Variants in DLC1 observed in about 807,000 individuals in gnomAD.
DLC1 encodes the protein DLC1 Rho GTPase activating protein, also known as rho GTPase-activating protein 7.
A neutral mutation model predicts 140.3 loss-of-function variants in DLC1; 54 were observed. The ratio of observed to expected loss-of-function variants is 0.38; its 90% CI spans 0.31 to 0.48. The LOEUF is 0.48. DLC1 is among the 20% of genes least tolerant of loss of function. DLC1 has a pLI of 0.96. For missense variants in DLC1, 2,536 were observed against 1,907.0 expected (o/e 1.33, Z -6.14); for synonymous variants, 986 against 728.1 (o/e 1.35, Z -5.70).
At chr8:13,589,156 C>T (rs1179385538) in intron 1 of DLC1, among the ~76,000 whole-genome samples, 3 of 152,102 alleles carry the variant, frequency 2.0e-5, no homozygotes, top group African/African-American at 4.8e-5. Context: ...GGCTATCCTT[C>T]ATCTGTCCAA....
At chr8:13,287,157 ACT>A (rs1831561050) in intron 5 of DLC1, among the ~76,000 whole-genome samples, 1 of 151,860 alleles carries the variant, frequency 6.6e-6, no homozygotes, top group Non-Finnish European at 1.5e-5. Context: ...CAGCTGGGAA[ACT>A]CTGACTCTAA....
chr8:13,298,368 G>C lies in DLC1; in HGVS notation c.1348+6901C>G, dbSNP rs148662127. Among the ~76,000 whole-genome samples, 454 of 152,216 alleles carry C rather than the reference G, an allele frequency of 3.0e-3. 2 individuals are homozygous for C. The highest frequency in any genetic ancestry group is 0.011 in the African/African-American group (438 of 41,526). ...ACCTGGCTGACATATTTGGCCGTTG[G>C]GTTGAGTAGTAGGAGTAATGGAGAA... On this transcript the variant is annotated intron_variant, in intron 5 of 17. Coordinates refer to ENST00000276297, the MANE Select transcript of DLC1 (RefSeq NM_182643.3).
At chr8:13,154,479 C>T (rs1824097124) in intron 5 of DLC1, among the ~76,000 whole-genome samples, 1 of 152,226 alleles carries the variant, frequency 6.6e-6, no homozygotes, top group African/African-American at 2.4e-5. Flanking sequence ...CGGTGCCGGC[C>T]AGCTGCTCCG....
rs184083073 is a variant in DLC1 at position 13,149,856 on chromosome 8, G to A, written c.1349-34199C>T. ...AGCTCCTGGGGGCGTCAGGCCTCTT[G>A]TTTGCACTGGGTTGGGGAATACTTG... On this transcript the variant is annotated intron_variant, in intron 5 of 17. Transcript: ENST00000276297. Among the ~76,000 whole-genome samples the A allele has an allele frequency of 2.3e-4, 35 of 152,340 alleles. No homozygotes were observed. In the East Asian group the frequency reaches 5.6e-3, roughly 24 times the overall value.
At position 13,091,439 on chromosome 8, in the gene DLC1, A is replaced by G. The variant is rs762028634; in HGVS notation, c.3741-7T>C. On this transcript the variant is annotated splice_polypyrimidine_tract_variant and splice_region_variant and intron_variant, in intron 13 of 17. Coordinates refer to ENST00000276297, the MANE Select transcript of DLC1 (RefSeq NM_182643.3). ...TTGTTTTCTTTGCATTACCCTAGGT[A>G]GAAGAAATACAGGAGGGGAACAGTT... 23 of 1,609,032 alleles carry G rather than the reference A, an allele frequency of 1.4e-5. 1 individual carries two copies. The South Asian group carries it at 1.9e-4, about 13-fold the overall frequency.
In DLC1 at chr8:13,498,986, A is replaced by C. The variant is rs935408127; in HGVS notation, c.1023+63T>G. The C allele has an allele frequency of 8.0e-6, 12 of 1,501,098 alleles. No homozygotes were observed. The Admixed American group carries it at 2.2e-4, about 28-fold the overall frequency. 93.0% of individuals were successfully genotyped at this position (1,501,098 alleles called of 1,614,324 possible). Reference sequence around the variant, plus strand: ...TCTTTTTAATCCAAGCAAAATGATAACTGATAAATCCAAGGATATTTACAA... The same window carrying C: ...TCTTTTTAATCCAAGCAAAATGATACCTGATAAATCCAAGGATATTTACAA... On this transcript the variant is annotated intron_variant, in intron 2 of 17. Coordinates refer to ENST00000276297, the MANE Select transcript of DLC1 (RefSeq NM_182643.3).
intron 2 of DLC1, among the ~76,000 whole-genome samples, chr8:13,448,831 GTTATACACTAGCAGATTTCACAGATGTA>G (rs200307319): frequency 0.26 from 39,300 of 151,892 alleles, 6,292 homozygotes; most frequent in Middle Eastern, 0.4. Context: ...CCACAAATGT[GTTATACACTAGCAGATTTCACAGATGTA>G]TTATACACTA....
chr8:13,475,225 A>G (rs1800385577), intron 2 of DLC1, among the ~76,000 whole-genome samples: 1 of 152,320 alleles, frequency 6.6e-6, no homozygotes, highest in Admixed American at 6.5e-5. Context: ...TCAAACGTTT[A>G]TATCAGGGTT....
At chr8:13,453,944 T>A (rs1035894474) in intron 2 of DLC1, among the ~76,000 whole-genome samples, 1 of 152,144 alleles carries the variant, frequency 6.6e-6, no homozygotes, top group Admixed American at 6.6e-5. Flanking sequence ...AAAATGAGAA[T>A]ATACTGTGAA....
intron 2 of DLC1, among the ~76,000 whole-genome samples, chr8:13,445,246 T>C (rs1466224769): frequency 6.6e-6 from 1 of 152,204 alleles, no homozygotes; most frequent in South Asian, 2.1e-4. Context: ...AGTGGGCAGT[T>C]GGCCACAGAT....
intron 1 of DLC1, among the ~76,000 whole-genome samples, chr8:13,512,383 T>A (rs930527754): frequency 6.6e-6 from 1 of 152,168 alleles, no homozygotes; most frequent in African/African-American, 2.4e-5. Flanking sequence ...ATATGAAGTA[T>A]GATGCAGATG....
intron 2 of DLC1, among the ~76,000 whole-genome samples, chr8:13,441,668 C>G (rs544685869): frequency 1.4e-3 from 207 of 152,190 alleles, no homozygotes; most frequent in African/African-American, 4.9e-3. Context: ...TGAAGGACCT[C>G]TTCAAGGAGA....
At chr8:13,539,872 A>G (rs529376465) in intron 1 of DLC1, among the ~76,000 whole-genome samples, 1 of 152,110 alleles carries the variant, frequency 6.6e-6, no homozygotes, top group Non-Finnish European at 1.5e-5. Flanking sequence ...GAAACACTCC[A>G]GGAAGTGCTG....
At chr8:13,214,576 T>TTG in intron 5 of DLC1, 2 of 650,358 alleles carry the variant, frequency 3.1e-6, no homozygotes, top group East Asian at 2.6e-5. Context: ...TTTTTTTTTG[T>TTG]GGCTGCCCGA....
At chr8:13,325,950 G>A (rs1729147) in intron 4 of DLC1, among the ~76,000 whole-genome samples, 1 of 152,072 alleles carries the variant, frequency 6.6e-6, no homozygotes, top group African/African-American at 2.4e-5. Flanking sequence ...TATAGAAACC[G>A]GATGTATGAC....
At chr8:13,459,643 G>A (rs920506911) in intron 2 of DLC1, among the ~76,000 whole-genome samples, 2 of 152,246 alleles carry the variant, frequency 1.3e-5, no homozygotes, top group African/African-American at 4.8e-5. Flanking sequence ...ACTCCAGCAT[G>A]GTCTATGCTA....
At chr8:13,277,776 G>T (rs1394647713) in intron 5 of DLC1, among the ~76,000 whole-genome samples, 1 of 151,908 alleles carries the variant, frequency 6.6e-6, no homozygotes, top group Non-Finnish European at 1.5e-5. Context: ...ACATCTAAAG[G>T]CCAGTTCATA....
intron 5 of DLC1, among the ~76,000 whole-genome samples, chr8:13,139,693 G>C (rs1386777907): frequency 6.6e-6 from 1 of 152,204 alleles, no homozygotes; most frequent in Non-Finnish European, 1.5e-5. Context: ...AGGCCTCCCT[G>C]CCAGAAAATG....
At chr8:13,414,577 C>T (rs1288424753) in intron 2 of DLC1, among the ~76,000 whole-genome samples, 1 of 152,144 alleles carries the variant, frequency 6.6e-6, no homozygotes, top group East Asian at 1.9e-4. Context: ...AGCATTATGA[C>T]CTTGGCTTTC....
Sources: gnomAD v4.1 joint callset for allele counts (sites outside exome capture counted in the v4.1 genomes callset) on GRCh38, gnomAD v4.1.1 for gene constraint, MANE v1.5 for transcripts, NCBI Gene and HGNC (gene_info 2026-07-23, HGNC 2026-07-21) for gene names.